The following STOX1 variants were observed in gnomAD, a reference collection of about 807,000 sequenced individuals.
STOX1 encodes storkhead-box protein 1.
Under a neutral mutation model 74.8 loss-of-function variants are expected in STOX1, and 57 were observed. The ratio of observed to expected loss-of-function variants is 0.76; its 90% CI spans 0.62 to 0.95. STOX1 has a LOEUF of 0.95. Among genes scored for constraint, STOX1 ranks in the 40% least tolerant of loss-of-function variants. STOX1 has a pLI of 0.00. For synonymous variants in STOX1, 375 were observed against 401.3 expected (o/e 0.93, Z 0.78); for missense variants, 1,010 against 1,117.0 (o/e 0.90, Z 1.37).
intron 1 of STOX1, among the ~76,000 whole-genome samples, chr10:68,840,528 A>C (rs1839665696): frequency 1.3e-5 from 2 of 149,378 alleles, no homozygotes; most frequent in African/African-American, 4.9e-5. Context: ...CCAAGCACCA[A>C]ATATTAACAG....
At chr10:68,874,854 C>T (rs2201842) in intron 1 of STOX1, among the ~76,000 whole-genome samples, 142,702 of 152,212 alleles carry the variant, frequency 0.94, 66,954 homozygotes, top group East Asian at 0.99. Flanking sequence ...AGTTAACCCT[C>T]CAAGGGTGTT....
chr10:68,854,242 G>T (rs1256569856), intron 1 of STOX1, among the ~76,000 whole-genome samples: 3 of 151,668 alleles, frequency 2.0e-5, no homozygotes, highest in Non-Finnish European at 1.5e-5. Context: ...TGATCCACCC[G>T]CCTTAGCCTC....
In STOX1 at chr10:68,852,544, C is replaced by T. The variant is rs1038394813; in HGVS notation, c.310+24611C>T. On this transcript the variant is annotated intron_variant, in intron 1 of 3. Transcript: ENST00000298596. Reference sequence around the variant, plus strand: ...AAGTGCTGGGATTACAGGCATGAGCCACCGCGCCTGGCCCTCTTACTGCTT... The same window carrying T: ...AAGTGCTGGGATTACAGGCATGAGCTACCGCGCCTGGCCCTCTTACTGCTT... Among the ~76,000 whole-genome samples, 30 of 151,868 alleles carry T rather than the reference C, an allele frequency of 2.0e-4. 1 individual carries two copies. The highest frequency in any genetic ancestry group is 6.8e-4 in the African/African-American group (28 of 41,290).
chr10:68,894,880 C>T (rs1411175219), downstream of STOX1, among the ~76,000 whole-genome samples: 2 of 152,230 alleles, frequency 1.3e-5, no homozygotes, highest in East Asian at 3.9e-4. Flanking sequence ...CGTAAGCCAC[C>T]AGGCTTGTCT....
intron 1 of STOX1, among the ~76,000 whole-genome samples, chr10:68,867,602 C>G (rs1372065973): frequency 6.6e-6 from 1 of 152,210 alleles, no homozygotes; most frequent in East Asian, 1.9e-4. Context: ...GCTTCCCCTT[C>G]TTGGGTCTCT....
At chr10:68,843,168 A>G (rs1360201341) in intron 1 of STOX1, among the ~76,000 whole-genome samples, 2 of 152,124 alleles carry the variant, frequency 1.3e-5, no homozygotes, top group Non-Finnish European at 2.9e-5. Flanking sequence ...CCTCCTGAAT[A>G]GCTGGGACTG....
chr10:68,830,803 G>C (rs1839387304), intron 1 of STOX1, among the ~76,000 whole-genome samples: 1 of 152,158 alleles, frequency 6.6e-6, no homozygotes, highest in African/African-American at 2.4e-5. Flanking sequence ...AATGGAGAAA[G>C]ATCTTATTTG....
Position 68,885,149 on chromosome 10 carries a change from A to G in STOX1, c.1353A>G (p.Lys451=). 1 of 1,612,114 alleles carries G rather than the reference A, an allele frequency of 6.2e-7. No homozygotes were observed. ...AGCCAGGAAGCATTAGACTGGAGAA[A>G]CACCCCAAGCTCCCTGCTACACAGC... ...EFQPGSIRLE[K]HPKLPATQPI... The change falls in exon 3 of 4, where the codon AAA becomes AAG. Residue 451 remains lysine (K), a synonymous_variant. Coordinates refer to ENST00000298596, the MANE Select transcript of STOX1 (RefSeq NM_152709.5).
At position 68,885,558 on chromosome 10, in the gene STOX1, C is replaced by G. The variant is rs1423581646; in HGVS notation, c.1762C>G (p.Gln588Glu). 6.2e-7 allele frequency: 1 copy of G among 1,614,060 alleles called. No individual in the cohort carries two copies. The highest frequency in any genetic ancestry group is 1.7e-5 in the Admixed American group (1 of 60,004). Reference sequence around the variant, plus strand: ...AGGTCACCTCTTCAGTCACCCTCAACAGAGCATGTTGCAAAATGATGGTAA... The same window carrying G: ...AGGTCACCTCTTCAGTCACCCTCAAGAGAGCATGTTGCAAAATGATGGTAA... The part of the protein sequence containing the change: ...FRGHLFSHPQ[Q>E]SMLQNDGKCC... The change falls in exon 3 of 4, where the codon CAG (glutamine) becomes GAG (glutamate). Residue 588 changes from glutamine (Q) to glutamate (E), a missense_variant. Gln to Glu is a conservative substitution (Grantham distance 29, BLOSUM62 2). Coordinates refer to ENST00000298596, the MANE Select transcript of STOX1 (RefSeq NM_152709.5).
chr10:68,856,564 T>TA (rs1840131417), intron 1 of STOX1, among the ~76,000 whole-genome samples: 1 of 152,044 alleles, frequency 6.6e-6, no homozygotes, highest in Non-Finnish European at 1.5e-5. Context: ...TTCCCCTGTG[T>TA]AGGGGACTAG....
rs888688784 is a variant in STOX1, at chr10:68,858,339, T to C, written c.311-23619T>C. On this transcript the variant is annotated intron_variant, in intron 1 of 3. Transcript: ENST00000298596. ...AGTTGCAAACTTTACATTTGGTTTC[T>C]AAGGCAATGGCCTTGTGAACATATA... 7.9e-5 allele frequency among the ~76,000 whole-genome samples: 12 copies of C among 152,242 alleles called. 1 individual carries two copies. The highest frequency in any genetic ancestry group is 2.9e-4 in the African/African-American group (12 of 41,478).
At chr10:68,849,284 C>T (rs1056528828) in intron 1 of STOX1, among the ~76,000 whole-genome samples, 2 of 152,136 alleles carry the variant, frequency 1.3e-5, no homozygotes. Context: ...TCCTTCCAGT[C>T]TCTGAACTTT....
Position 68,886,234 on chromosome 10 carries a change from A to G in STOX1, c.2438A>G (p.Gln813Arg). 6.2e-7 allele frequency: 1 copy of G among 1,614,240 alleles called. No individual in the cohort carries two copies. Among genetic ancestry groups the G allele is most frequent in the Non-Finnish European group, 8.5e-7 (1 of 1,180,042 alleles). Residue 813 changes from glutamine (Q) to arginine (R), a missense_variant, in exon 3 of 4, where the codon CAA (glutamine) becomes CGA (arginine). Coordinates refer to ENST00000298596, the MANE Select transcript of STOX1 (RefSeq NM_152709.5). ...TGLHATPGESQEPNLSAESCG... is the reference protein window; with the variant it reads ...TGLHATPGESREPNLSAESCG... ...CTGCATGCTACCCCAGGTGAAAGCC[A>G]AGAACCTAACCTCTCTGCTGAAAGT...
At chr10:68,870,091 C>G (rs1458352890) in intron 1 of STOX1, among the ~76,000 whole-genome samples, 1 of 152,120 alleles carries the variant, frequency 6.6e-6, no homozygotes, top group Admixed American at 6.5e-5. Flanking sequence ...TCTAGGGAAA[C>G]TTTAATTTTT....
At chr10:68,863,104 C>A (rs981961016) in intron 1 of STOX1, among the ~76,000 whole-genome samples, 3 of 152,204 alleles carry the variant, frequency 2.0e-5, no homozygotes, top group Non-Finnish European at 2.9e-5. Flanking sequence ...CATAACAGTT[C>A]CTTCTTCATG....
At position 68,877,749 on chromosome 10, in the gene STOX1, C is replaced by T. The variant is rs577713233; in HGVS notation, c.311-4209C>T. 2.6e-5 allele frequency among the ~76,000 whole-genome samples: 4 copies of T among 152,338 alleles called. No individual in the cohort carries two copies. In the South Asian group the frequency reaches 8.3e-4, roughly 32 times the overall value. Reference sequence around the variant, plus strand: ...TCTCTTTCAGTGTTCTCCCCCACCCCACCTCCAAGTTCACAGTGCCTGGTT... The same window carrying T: ...TCTCTTTCAGTGTTCTCCCCCACCCTACCTCCAAGTTCACAGTGCCTGGTT... On this transcript the variant is annotated intron_variant, in intron 1 of 3. Coordinates refer to ENST00000298596, the MANE Select transcript of STOX1 (RefSeq NM_152709.5).
At chr10:68,870,158 T>C (rs1330723702) in intron 1 of STOX1, among the ~76,000 whole-genome samples, 2 of 152,244 alleles carry the variant, frequency 1.3e-5, no homozygotes, top group Admixed American at 1.3e-4. Context: ...TTTATTTTTT[T>C]CTTTCTCTCC....
rs1840921664 is a variant in STOX1, at chr10:68,885,459, C to T, written c.1663C>T (p.Pro555Ser). 3.1e-6 allele frequency: 5 copies of T among 1,614,010 alleles called. No homozygotes were observed. The South Asian group carries it at 3.3e-5, about 11-fold the overall frequency. The change falls in exon 3 of 4, where the codon CCT becomes TCT. Residue 555 changes from proline to serine, a missense_variant. Transcript: ENST00000298596. ...AGCCAAAGAGCCATATGCTGAACAA[C>T]CTAATGATAAAATGGAAGCAGAATC... Reference protein sequence around the residue: ...GKAKEPYAEQPNDKMEAESIY... With the variant: ...GKAKEPYAEQSNDKMEAESIY...
At chr10:68,842,952 G>A (rs1182015693) in intron 1 of STOX1, among the ~76,000 whole-genome samples, 1 of 152,200 alleles carries the variant, frequency 6.6e-6, no homozygotes, top group Admixed American at 6.5e-5. Context: ...AGCTGTGACT[G>A]TATTCATTTG....
Sources: gnomAD v4.1 joint callset for allele counts (sites outside exome capture counted in the v4.1 genomes callset) on GRCh38, gnomAD v4.1.1 for gene constraint, MANE v1.5 for transcripts, NCBI Gene and HGNC (gene_info 2026-07-23, HGNC 2026-07-21) for gene names.